Variants in FARP2 observed in about 807,000 individuals in gnomAD.
The protein encoded by FARP2 is FERM, ARHGEF and pleckstrin domain-containing protein 2.
In FARP2, 111 loss-of-function variants were observed where a neutral mutation model predicts 130.5. The ratio of observed to expected loss-of-function variants is 0.85; its 90% CI spans 0.73 to 1.00. The LOEUF is 1.00. Among genes scored for constraint, FARP2 ranks in the 50% least tolerant of loss-of-function variants. FARP2 has a pLI of 0.00. For synonymous variants in FARP2, 504 were observed against 516.9 expected (o/e 0.98, Z 0.34); for missense variants, 1,385 against 1,346.3 (o/e 1.03, Z -0.45).
chr2:241,480,104 C>T (rs554135608), intron 19 of FARP2, among the ~76,000 whole-genome samples: 3 of 152,154 alleles, frequency 2.0e-5, no homozygotes, highest in Non-Finnish European at 2.9e-5. Flanking sequence ...ACCTGGGGTG[C>T]AGGGCATGCT....
intron 2 of FARP2, among the ~76,000 whole-genome samples, chr2:241,390,201 G>A (rs1402259832): frequency 6.6e-6 from 1 of 152,206 alleles, no homozygotes. Flanking sequence ...TGCTAGTGGT[G>A]CTTCTCCCCA....
At chr2:241,409,746 C>A (rs1320239917) in intron 5 of FARP2, among the ~76,000 whole-genome samples, 1 of 152,080 alleles carries the variant, frequency 6.6e-6, no homozygotes, top group Non-Finnish European at 1.5e-5. Context: ...GTTGATTTTT[C>A]CCCCCACTTA....
intron 19 of FARP2, among the ~76,000 whole-genome samples, chr2:241,480,916 C>A (rs2064598445): frequency 6.6e-6 from 1 of 152,066 alleles, no homozygotes; most frequent in Non-Finnish European, 1.5e-5. Context: ...TGCCATGTAA[C>A]CCTTGTAGAA....
chr2:241,452,268 G>T (rs900204613), intron 13 of FARP2, among the ~76,000 whole-genome samples: 4 of 152,104 alleles, frequency 2.6e-5, no homozygotes, highest in Admixed American at 6.5e-5. Flanking sequence ...GTACATCTGT[G>T]TTGGTGACTT....
chr2:241,463,360 A>C lies in FARP2; in HGVS notation c.1703A>C (p.Glu568Ala), dbSNP rs751897906. Residue 568 changes from glutamate (E) to alanine (A), a missense_variant, in exon 16 of 27, where the codon GAG (glutamate) becomes GCG (alanine). Coordinates refer to ENST00000264042, the MANE Select transcript of FARP2 (RefSeq NM_014808.4). The part of the protein sequence containing the change: ...TVWFRSAVVK[E>A]DAMPATLMTL... ...TGGTTCCGCAGCGCAGTGGTGAAGG[A>C]GGACGCCATGCCTGCGACTCTGATG... The C allele has an allele frequency of 2.8e-5, 46 of 1,614,136 alleles. No individual in the cohort carries two copies. Among genetic ancestry groups the C allele is most frequent in the Non-Finnish European group, 3.9e-5 (46 of 1,180,026 alleles).
chr2:241,451,849 G>T (rs2063666968), intron 13 of FARP2, among the ~76,000 whole-genome samples: 1 of 151,936 alleles, frequency 6.6e-6, no homozygotes, highest in Non-Finnish European at 1.5e-5. Flanking sequence ...CCACCTCCCG[G>T]GTTCAAGCGA....
At chr2:241,365,298 C>T (rs765342662) in intron 1 of FARP2, among the ~76,000 whole-genome samples, 1 of 152,142 alleles carries the variant, frequency 6.6e-6, no homozygotes, top group Non-Finnish European at 1.5e-5. Flanking sequence ...ATCCCCAACT[C>T]GTTGGATTAT....
intron 8 of FARP2, among the ~76,000 whole-genome samples, chr2:241,426,664 T>C (rs532484279): frequency 1.3e-5 from 2 of 152,342 alleles, no homozygotes; most frequent in African/African-American, 4.8e-5. Context: ...TGGGTGACCC[T>C]GACCTGGCAG....
chr2:241,443,423 G>A (rs2063439433), intron 13 of FARP2: 2 of 152,428 alleles, frequency 1.3e-5, no homozygotes, highest in African/African-American at 4.8e-5. Flanking sequence ...GAAGATACGT[G>A]GTTGCAAAAA....
chr2:241,428,234 CT>C (rs11397989), intron 8 of FARP2, among the ~76,000 whole-genome samples: 98 of 124,948 alleles, frequency 7.8e-4, no homozygotes, highest in African/African-American at 1.2e-3. Flanking sequence ...CAATATTTTA[CT>C]TTTTTTTTTT....
intron 4 of FARP2, among the ~76,000 whole-genome samples, chr2:241,406,452 T>TTG (rs1280755927): frequency 9.9e-5 from 15 of 151,742 alleles, no homozygotes; most frequent in Non-Finnish European, 2.1e-4. Flanking sequence ...GCGCATGTTT[T>TTG]TGTGTGTGGA....
chr2:241,451,141 A>G lies in FARP2; in HGVS notation c.1412-5606A>G, dbSNP rs558145235. Among the ~76,000 whole-genome samples the G allele has an allele frequency of 7.2e-5, 11 of 151,950 alleles. No homozygotes were observed. The South Asian group carries it at 2.1e-3, about 29-fold the overall frequency. On this transcript the variant is annotated intron_variant, in intron 13 of 26. Coordinates refer to ENST00000264042, the MANE Select transcript of FARP2 (RefSeq NM_014808.4). The stretch of plus-strand genomic sequence containing the variant: ...GGCTAAATTTTTGATAATTTTATTA[A>G]TTTTTTTGTTTTTGTAGAGACAGGG...
rs550696960 is a variant in FARP2, at chr2:241,473,542, C to A, written c.2132-2315C>A. Among the ~76,000 whole-genome samples, 13 of 152,340 alleles carry A rather than the reference C, an allele frequency of 8.5e-5. No homozygotes were observed. The South Asian group carries it at 2.7e-3, about 32-fold the overall frequency. On this transcript the variant is annotated intron_variant, in intron 18 of 26. Transcript: ENST00000264042. The stretch of plus-strand genomic sequence containing the variant: ...TCCAAAATGTGTCCTGAGCTTCCAG[C>A]AGCTGCCAGTCCCTACCGAGGTGCA...
chr2:241,393,885 C>T (rs1043935236), intron 2 of FARP2, among the ~76,000 whole-genome samples: 1 of 152,170 alleles, frequency 6.6e-6, no homozygotes, highest in African/African-American at 2.4e-5. Flanking sequence ...AAACACTGAA[C>T]AAAAAGTTTT....
intron 2 of FARP2, among the ~76,000 whole-genome samples, chr2:241,379,664 G>A (rs936309949): frequency 2.6e-5 from 4 of 152,168 alleles, no homozygotes; most frequent in African/African-American, 7.2e-5. Flanking sequence ...AGAAAGTATT[G>A]TAGCCAGATG....
chr2:241,432,832 A>G (rs910724869), intron 9 of FARP2, among the ~76,000 whole-genome samples: 1 of 152,226 alleles, frequency 6.6e-6, no homozygotes, highest in African/African-American at 2.4e-5. Flanking sequence ...TGGGGTTTGA[A>G]GCTTAAGAGA....
intron 4 of FARP2, among the ~76,000 whole-genome samples, chr2:241,407,098 G>T (rs1020858914): frequency 2.0e-5 from 3 of 152,172 alleles, no homozygotes; most frequent in Admixed American, 1.3e-4. Context: ...GTGAGCCACC[G>T]CGCCCAGCCC....
chr2:241,424,947 G>C (rs375467117), intron 8 of FARP2, among the ~76,000 whole-genome samples: 2 of 152,256 alleles, frequency 1.3e-5, no homozygotes, highest in South Asian at 4.2e-4. Context: ...AGTGGCTCAC[G>C]TCTGAATCCC....
chr2:241,467,187 T>C (rs2064194161), intron 17 of FARP2, among the ~76,000 whole-genome samples: 2 of 152,060 alleles, frequency 1.3e-5, no homozygotes, highest in South Asian at 4.2e-4. Context: ...ACCAGGGAGG[T>C]TGAGGCTGCA....
Sources: gnomAD v4.1 joint callset for allele counts (sites outside exome capture counted in the v4.1 genomes callset) on GRCh38, gnomAD v4.1.1 for gene constraint, MANE v1.5 for transcripts, NCBI Gene and HGNC (gene_info 2026-07-23, HGNC 2026-07-21) for gene names.